MSI2: variants seen among roughly 807,000 people sequenced by gnomAD.
MSI2 encodes musashi RNA binding protein 2.
In MSI2, 17 loss-of-function variants were observed where a neutral mutation model predicts 45.6. That is an observed-to-expected ratio of 0.37 (90% confidence interval 0.26 to 0.56). The LOEUF (loss-of-function observed/expected upper bound fraction) is 0.56. Ranked by LOEUF, MSI2 falls within the 20% of genes least tolerant of loss-of-function variation. MSI2 has a pLI of 0.77. For synonymous variants in MSI2, 156 were observed against 158.2 expected (o/e 0.99, Z 0.11); for missense variants, 293 against 444.2 (o/e 0.66, Z 3.06).
At chr17:57,442,225 C>T (rs1367688264) in intron 6 of MSI2, among the ~76,000 whole-genome samples, 1 of 151,926 alleles carries the variant, frequency 6.6e-6, no homozygotes, top group East Asian at 1.9e-4. Flanking sequence ...TTAGTTGAGA[C>T]GGGGTTTCAC....
chr17:57,537,922 C>G (rs369272021), intron 7 of MSI2, among the ~76,000 whole-genome samples: 2 of 152,320 alleles, frequency 1.3e-5, no homozygotes, highest in Non-Finnish European at 2.9e-5. Context: ...GAATAAAAGC[C>G]CTGGCACCAA....
intron 2 of MSI2, 85 bp from the exon 3 acceptor site, chr17:57,257,381 G>A (rs1906882880): frequency 2.4e-6 from 2 of 848,536 alleles, no homozygotes; most frequent in African/African-American, 3.6e-5. Context: ...ACTACTTTTG[G>A]ATTTTGTCCT....
At chr17:57,438,722 C>T (rs970839410) in intron 6 of MSI2, among the ~76,000 whole-genome samples, 2 of 151,772 alleles carry the variant, frequency 1.3e-5, no homozygotes, top group East Asian at 1.9e-4. Flanking sequence ...GGGATTTAGT[C>T]GGAGGAGCAG....
intron 6 of MSI2, among the ~76,000 whole-genome samples, chr17:57,446,318 G>C (rs992475416): frequency 6.6e-6 from 1 of 152,190 alleles, no homozygotes; most frequent in Admixed American, 6.5e-5. Context: ...GCTGGCGACA[G>C]TGAGCAAATG....
chr17:57,276,143 G>A (rs1908825625), intron 5 of MSI2, among the ~76,000 whole-genome samples: 1 of 152,204 alleles, frequency 6.6e-6, no homozygotes, highest in African/African-American at 2.4e-5. Context: ...TAAGGCTGAA[G>A]GAGGAGGGAC....
chr17:57,271,633 G>C (rs1908380947), intron 5 of MSI2, among the ~76,000 whole-genome samples: 1 of 150,830 alleles, frequency 6.6e-6, no homozygotes, highest in Middle Eastern at 3.4e-3. Context: ...CATTTTTATT[G>C]TTTTGAAGGG....
intron 5 of MSI2, among the ~76,000 whole-genome samples, chr17:57,384,339 G>A (rs2083648821): frequency 6.6e-6 from 1 of 152,148 alleles, no homozygotes; most frequent in East Asian, 1.9e-4. Flanking sequence ...TCATATGTCT[G>A]GCTCCTGAAC....
At chr17:57,593,673 T>C (rs1905039255) in intron 7 of MSI2, among the ~76,000 whole-genome samples, 1 of 152,104 alleles carries the variant, frequency 6.6e-6, no homozygotes. Context: ...GATTAGGACA[T>C]GGATGTATGT....
chr17:57,344,258 TC>T (rs1164462027), intron 5 of MSI2, among the ~76,000 whole-genome samples: 5 of 152,240 alleles, frequency 3.3e-5, no homozygotes, highest in Admixed American at 3.3e-4. Flanking sequence ...AATTTTAAAA[TC>T]TATTTCTTAT....
chr17:57,552,405 GC>G lies in MSI2; in HGVS notation c.454+22684del, dbSNP rs1373900642. ...CCCCCAACCCAGCCCCCCACTCACTGCCCTGCTGCATCCAGCCCCTGGGTCT... is the reference window on the plus strand; with the variant it reads ...CCCCCAACCCAGCCCCCCACTCACTGCCTGCTGCATCCAGCCCCTGGGTCT... On this transcript the variant is annotated intron_variant, in intron 7 of 13. Coordinates refer to ENST00000284073, the MANE Select transcript of MSI2 (RefSeq NM_138962.4). The surrounding 1 kb of genome is among the most constrained non-coding windows in gnomAD (Gnocchi z 4.3). 6.6e-6 allele frequency among the ~76,000 whole-genome samples: 1 copy of G among 151,638 alleles called. No individual in the cohort carries two copies. Among genetic ancestry groups the G allele is most frequent in the Non-Finnish European group, 1.5e-5 (1 of 67,876 alleles).
At chr17:57,580,305 G>A (rs888776100) in intron 7 of MSI2, among the ~76,000 whole-genome samples, 6 of 152,230 alleles carry the variant, frequency 3.9e-5, no homozygotes, top group African/African-American at 1.2e-4. Flanking sequence ...GTTTATCGAT[G>A]AAGGCTGAGG....
chr17:57,701,499 C>T, the MSI2 span, among the ~76,000 whole-genome samples: 1 of 152,220 alleles, frequency 6.6e-6, no homozygotes, highest in East Asian at 1.9e-4. Flanking sequence ...GGGTGCTCAC[C>T]GGACACTGAA....
intron 6 of MSI2, among the ~76,000 whole-genome samples, chr17:57,429,222 C>G (rs966543950): frequency 7.9e-5 from 12 of 152,082 alleles, no homozygotes; most frequent in Non-Finnish European, 2.9e-5. Context: ...CAGGCTGATC[C>G]CACACAGCCT....
At chr17:57,559,371 G>T (rs1233669934) in intron 7 of MSI2, among the ~76,000 whole-genome samples, 2 of 152,190 alleles carry the variant, frequency 1.3e-5, no homozygotes, top group African/African-American at 4.8e-5. Flanking sequence ...ATCCGCTCCC[G>T]CCTTGAGGAT....
intron 7 of MSI2, among the ~76,000 whole-genome samples, chr17:57,562,428 T>G (rs8074428): frequency 0.35 from 53,625 of 152,088 alleles, 9,586 homozygotes; most frequent in Admixed American, 0.4. Flanking sequence ...TGGGCACTGG[T>G]GTTGCCTGTG....
intron 6 of MSI2, among the ~76,000 whole-genome samples, chr17:57,492,419 C>T (rs765416080): frequency 1.1e-4 from 17 of 152,326 alleles, no homozygotes; most frequent in Non-Finnish European, 1.5e-4. Context: ...CAGATCAATA[C>T]TGAGGGTTCT....
intron 5 of MSI2, among the ~76,000 whole-genome samples, chr17:57,288,279 C>T (rs541320908): frequency 3.3e-5 from 5 of 152,334 alleles, no homozygotes; most frequent in East Asian, 3.9e-4. Flanking sequence ...GTTGATTATG[C>T]AGCCAGCCTG....
chr17:57,443,407 G>A (rs995504011), intron 6 of MSI2, among the ~76,000 whole-genome samples: 10 of 152,172 alleles, frequency 6.6e-5, no homozygotes, highest in African/African-American at 1.4e-4. Context: ...ACGTGGCACC[G>A]GCAGGAACTG....
intron 6 of MSI2, among the ~76,000 whole-genome samples, chr17:57,464,825 A>C (rs999841404): frequency 1.3e-5 from 2 of 152,206 alleles, no homozygotes; most frequent in Admixed American, 1.3e-4. Context: ...GTCTGACCTT[A>C]CCAAAAAGTC....
Sources: allele counts gnomAD v4.1 joint callset (sites outside exome capture counted in the v4.1 genomes callset), GRCh38; gene constraint gnomAD v4.1.1; non-coding constraint Gnocchi (gnomAD v3.1); transcripts MANE v1.5; gene names NCBI Gene and HGNC (gene_info 2026-07-23, HGNC 2026-07-21).